The following SPPL3 variants were observed in gnomAD, a reference collection of about 807,000 sequenced individuals.
The protein encoded by SPPL3 is signal peptide peptidase like 3, also known as signal peptide peptidase-like 3.
SPPL3 carries 5 observed loss-of-function variants against 42.4 expected under a neutral mutation model. That is an observed-to-expected ratio of 0.12 (90% CI 0.06 to 0.25). SPPL3 has a LOEUF of 0.25. Ranked by LOEUF, SPPL3 falls within the 10% of genes least tolerant of loss-of-function variation. The pLI, the probability that SPPL3 is intolerant of heterozygous loss-of-function variation, is 1.00. For synonymous variants in SPPL3, 195 were observed against 181.8 expected (o/e 1.07, Z -0.58); for missense variants, 235 against 489.0 (o/e 0.48, Z 4.90).
intron 2 of SPPL3, among the ~76,000 whole-genome samples, chr12:120,810,072 A>C (rs1870635542): frequency 6.6e-6 from 1 of 151,888 alleles, no homozygotes; most frequent in Non-Finnish European, 1.5e-5. Context: ...TCCTGGGCTT[A>C]AGTGATCCTT....
At chr12:120,777,322 G>A (rs926179039) in intron 6 of SPPL3, among the ~76,000 whole-genome samples, 1 of 152,188 alleles carries the variant, frequency 6.6e-6, no homozygotes, top group Admixed American at 6.5e-5. Context: ...TTTATTCTCT[G>A]TGCCCCAATA....
intron 1 of SPPL3, among the ~76,000 whole-genome samples, chr12:120,817,057 A>G (rs1287763010): frequency 1.3e-5 from 2 of 151,636 alleles, no homozygotes; most frequent in African/African-American, 4.8e-5. Flanking sequence ...TAGGAGTCCG[A>G]GGTGGGAGGA....
chr12:120,784,024 T>G (rs993695727), intron 4 of SPPL3, among the ~76,000 whole-genome samples: 3 of 152,240 alleles, frequency 2.0e-5, no homozygotes, highest in Non-Finnish European at 4.4e-5. Flanking sequence ...TTTGCCGATT[T>G]TTTTTTACAT....
rs574965953 is a variant in SPPL3 at position 120,810,945 on chromosome 12, C to G, written c.24-59G>C. ...ATGCAGTGAGTCCTAATGGAGCTTA[C>G]AGTCTAATGGAGTTCTATAAACCCC... On this transcript the variant is annotated intron_variant, in intron 1 of 10. Coordinates refer to ENST00000353487, the MANE Select transcript of SPPL3 (RefSeq NM_139015.5). The G allele has an allele frequency of 2.1e-5, 27 of 1,295,452 alleles. No individual in the cohort carries two copies. In the East Asian group the frequency reaches 2.8e-4, roughly 13 times the overall value. 80.2% of individuals were successfully genotyped at this position (1,295,452 alleles called of 1,614,324 possible).
intron 1 of SPPL3, among the ~76,000 whole-genome samples, chr12:120,852,323 C>A (rs1489627270): frequency 1.4e-5 from 2 of 145,332 alleles, no homozygotes; most frequent in African/African-American, 5.0e-5. Flanking sequence ...TTTATATAAT[C>A]ATATATATTA....
intron 1 of SPPL3, among the ~76,000 whole-genome samples, chr12:120,818,425 T>C (rs1463644769): frequency 6.6e-6 from 1 of 152,208 alleles, no homozygotes; most frequent in African/African-American, 2.4e-5. Flanking sequence ...ATGTCTCTCA[T>C]ATACAAGACT....
chr12:120,793,491 A>C (rs1869991232), intron 2 of SPPL3, among the ~76,000 whole-genome samples: 2 of 152,202 alleles, frequency 1.3e-5, no homozygotes, highest in African/African-American at 4.8e-5. Context: ...TCCTCAAAAC[A>C]AAACCACCAC....
intron 1 of SPPL3, among the ~76,000 whole-genome samples, chr12:120,838,157 G>A (rs183653170): frequency 6.6e-6 from 1 of 152,260 alleles, no homozygotes; most frequent in East Asian, 1.9e-4. Context: ...AGAATAAAAG[G>A]ACATAGACAC....
chr12:120,812,424 G>A (rs921698411), intron 1 of SPPL3, among the ~76,000 whole-genome samples: 1 of 152,174 alleles, frequency 6.6e-6, no homozygotes, highest in South Asian at 2.1e-4. Context: ...GAGCCACTGC[G>A]CCTGGCCAGA....
At chr12:120,841,629 T>A (rs1248209671) in intron 1 of SPPL3, among the ~76,000 whole-genome samples, 1 of 152,212 alleles carries the variant, frequency 6.6e-6, no homozygotes, top group Non-Finnish European at 1.5e-5. Context: ...CTTGACTGTG[T>A]AAGTCAGAAG....
chr12:120,802,591 G>C (rs948306034), intron 2 of SPPL3, among the ~76,000 whole-genome samples: 3 of 151,198 alleles, frequency 2.0e-5, no homozygotes, highest in Admixed American at 6.6e-5. Flanking sequence ...GCATCAACAC[G>C]CCTGGCTAAT....
chr12:120,808,454 T>C (rs567684388), intron 2 of SPPL3, among the ~76,000 whole-genome samples: 35 of 152,302 alleles, frequency 2.3e-4, no homozygotes, highest in African/African-American at 7.7e-4. Context: ...ACTTATTACA[T>C]AAAATTTGGT....
intron 1 of SPPL3, among the ~76,000 whole-genome samples, chr12:120,877,516 C>A (rs572049455): frequency 2.2e-4 from 33 of 152,296 alleles, no homozygotes; most frequent in African/African-American, 7.7e-4. Context: ...AGTGGTGGCT[C>A]GCGCCTGTAA....
chr12:120,811,400 A>G (rs1490598208), intron 1 of SPPL3: 1 of 152,462 alleles, frequency 6.6e-6, no homozygotes, highest in African/African-American at 2.4e-5. Flanking sequence ...CAACAAGTCC[A>G]CCACAAATAC....
intron 1 of SPPL3, chr12:120,845,041 C>T: frequency 7.7e-6 from 2 of 260,936 alleles, no homozygotes; most frequent in Non-Finnish European, 1.6e-5. Flanking sequence ...TGCACTCACA[C>T]TGGAGCCAAG....
intron 1 of SPPL3, among the ~76,000 whole-genome samples, chr12:120,830,571 G>C (rs1871389722): frequency 1.9e-5 from 1 of 53,452 alleles, no homozygotes; most frequent in African/African-American, 6.6e-5. Context: ...GGGTGGGGGA[G>C]GGGGGGAAGG....
At chr12:120,830,869 TTGAC>T (rs1227370863) in intron 1 of SPPL3, among the ~76,000 whole-genome samples, 2 of 152,112 alleles carry the variant, frequency 1.3e-5, no homozygotes, top group Non-Finnish European at 2.9e-5. Context: ...ATGTATCAAT[TTGAC>T]TGAGCTAAAG....
chr12:120,863,663 T>C (rs1872677761), intron 1 of SPPL3, among the ~76,000 whole-genome samples: 1 of 152,184 alleles, frequency 6.6e-6, no homozygotes, highest in Admixed American at 6.5e-5. Flanking sequence ...GTTTTTTAAT[T>C]CTTTTTGAAA....
intron 1 of SPPL3, among the ~76,000 whole-genome samples, chr12:120,896,892 ATAGAT>A (rs2137071022): frequency 6.6e-6 from 1 of 152,364 alleles, no homozygotes; most frequent in African/African-American, 2.4e-5. Context: ...AACATCAAAA[ATAGAT>A]TATAGAATTT....
Sources: gnomAD v4.1 joint callset for allele counts (sites outside exome capture counted in the v4.1 genomes callset) on GRCh38, gnomAD v4.1.1 for gene constraint, MANE v1.5 for transcripts, NCBI Gene and HGNC (gene_info 2026-07-23, HGNC 2026-07-21) for gene names.